ADGRB3: variants seen among roughly 807,000 people sequenced by gnomAD.
ADGRB3 encodes adhesion G protein-coupled receptor B3, also known as brain-specific angiogenesis inhibitor 3.
ADGRB3 carries 37 observed loss-of-function variants against 193.4 expected under a neutral mutation model. The observed-to-expected ratio is 0.19, with a 90% CI of 0.15 to 0.25. The LOEUF is 0.25. ADGRB3 is among the 10% of genes least tolerant of loss of function. The probability of loss-of-function intolerance (pLI) is 1.00; values close to 1 mark genes in which losing one functional copy is unlikely to be tolerated. For synonymous variants in ADGRB3, 690 were observed against 644.2 expected, an observed-to-expected ratio of 1.07 and a Z score of -1.08; for missense variants, 1,637 against 1,852.9, an observed-to-expected ratio of 0.88 and a Z score of 2.14.
chr6:69,107,872 A>G (rs1206587899), intron 17 of ADGRB3, among the ~76,000 whole-genome samples: 1 of 152,060 alleles, frequency 6.6e-6, no homozygotes, highest in African/African-American at 2.4e-5. Flanking sequence ...TGGCAACAGT[A>G]GACACTTGAG....
intron 3 of ADGRB3, among the ~76,000 whole-genome samples, chr6:68,805,589 G>T (rs1272671128): frequency 6.6e-6 from 1 of 152,144 alleles, no homozygotes; most frequent in Non-Finnish European, 1.5e-5. Flanking sequence ...TGAGACCAGA[G>T]ATGAAAGATC....
chr6:68,880,974 G>A (rs899578863), intron 3 of ADGRB3, among the ~76,000 whole-genome samples: 1 of 152,108 alleles, frequency 6.6e-6, no homozygotes, highest in African/African-American at 2.4e-5. Context: ...AAAAGTCGGT[G>A]AGAAAAATTT....
chr6:69,030,976 C>CTT (rs869292885), intron 13 of ADGRB3, among the ~76,000 whole-genome samples: 1,226 of 74,810 alleles, frequency 0.016, 124 homozygotes, highest in Middle Eastern at 0.028. Flanking sequence ...CTTTTCTTTT[C>CTT]TTTTCTTTTC....
At chr6:68,857,453 G>A (rs1479044793) in intron 3 of ADGRB3, among the ~76,000 whole-genome samples, 1 of 152,222 alleles carries the variant, frequency 6.6e-6, no homozygotes, top group Non-Finnish European at 1.5e-5. Context: ...GTAAGACATG[G>A]AGTCAAAGGT....
chr6:69,355,943 G>A (rs1769329079), intron 28 of ADGRB3, 83 bp downstream of exon 28: 1 of 1,187,012 alleles, frequency 8.4e-7, no homozygotes, highest in Non-Finnish European at 1.2e-6. Context: ...AAAATGCTGT[G>A]GTTTACACAT....
chr6:69,294,179 AT>A (rs71803817), intron 20 of ADGRB3, among the ~76,000 whole-genome samples: 26,300 of 150,000 alleles, frequency 0.18, 2,844 homozygotes, highest in Middle Eastern at 0.25. Context: ...AGCTTGTTTA[AT>A]TTTTTTTTTA....
At chr6:68,751,837 A>G (rs1766205529) in intron 3 of ADGRB3, among the ~76,000 whole-genome samples, 1 of 152,162 alleles carries the variant, frequency 6.6e-6, no homozygotes, top group African/African-American at 2.4e-5. Flanking sequence ...ATATGTGGTT[A>G]TTTATTGAGC....
intron 3 of ADGRB3, among the ~76,000 whole-genome samples, chr6:68,829,392 G>A (rs965943229): frequency 2.0e-5 from 3 of 151,866 alleles, no homozygotes; most frequent in Non-Finnish European, 2.9e-5. Flanking sequence ...ATGAGCCACC[G>A]CACCCAGGCA....
At chr6:69,100,445 G>T (rs1200524552) in intron 17 of ADGRB3, among the ~76,000 whole-genome samples, 1 of 152,132 alleles carries the variant, frequency 6.6e-6, no homozygotes, top group Non-Finnish European at 1.5e-5. Context: ...TTATAAGAGA[G>T]ACAGAGATAA....
intron 17 of ADGRB3, among the ~76,000 whole-genome samples, chr6:69,088,393 G>A (rs9351744): frequency 0.033 from 4,945 of 152,152 alleles, 133 homozygotes; most frequent in East Asian, 0.096. Flanking sequence ...TTTGTTTTGA[G>A]ATGGAGTCTC....
intron 3 of ADGRB3, among the ~76,000 whole-genome samples, chr6:68,900,261 A>G (rs932711396): frequency 1.2e-4 from 18 of 152,174 alleles, no homozygotes; most frequent in African/African-American, 4.1e-4. Context: ...ATGACCATTT[A>G]TTTTGATCTG....
intron 20 of ADGRB3, among the ~76,000 whole-genome samples, chr6:69,316,305 A>T (rs1357709962): frequency 6.6e-6 from 1 of 151,514 alleles, no homozygotes; most frequent in Non-Finnish European, 1.5e-5. Flanking sequence ...AAGTGAAATT[A>T]AAGAGTAATG....
intron 10 of ADGRB3, among the ~76,000 whole-genome samples, chr6:68,988,488 A>G (rs3798991): frequency 0.57 from 86,833 of 151,800 alleles, 25,213 homozygotes; most frequent in East Asian, 0.69. Context: ...TCGTAATAGA[A>G]CAGTGGGGTG....
chr6:69,249,523 A>G (rs1160480880), intron 20 of ADGRB3, among the ~76,000 whole-genome samples: 2 of 152,232 alleles, frequency 1.3e-5, no homozygotes, highest in Non-Finnish European at 2.9e-5. Flanking sequence ...AGCCCTTATT[A>G]GAGAAACTCT....
chr6:68,839,014 G>A (rs1170667625), intron 3 of ADGRB3, among the ~76,000 whole-genome samples: 1 of 151,544 alleles, frequency 6.6e-6, no homozygotes, highest in East Asian at 1.9e-4. Flanking sequence ...GACCTGAGAG[G>A]AACACATTTG....
chr6:68,957,658 C>G (rs1768111785), intron 8 of ADGRB3, among the ~76,000 whole-genome samples: 1 of 152,108 alleles, frequency 6.6e-6, no homozygotes, highest in African/African-American at 2.4e-5. Flanking sequence ...ACAGTGAGTA[C>G]AGCTGGTTGT....
intron 13 of ADGRB3, among the ~76,000 whole-genome samples, chr6:69,031,519 C>CTTTCTTTCTT (rs1554248703): frequency 4.7e-5 from 1 of 21,270 alleles, no homozygotes; most frequent in South Asian, 2.6e-3. Context: ...TTTGAGTTGT[C>CTTTCTTTCTT]TCTTTCTTTC....
intron 20 of ADGRB3, among the ~76,000 whole-genome samples, chr6:69,266,962 C>T (rs1767057587): frequency 6.6e-6 from 1 of 151,994 alleles, no homozygotes; most frequent in African/African-American, 2.4e-5. Context: ...CCGCAGTGTC[C>T]TTGCAGAAGT....
chr6:69,246,663 A>G (rs535499839), intron 20 of ADGRB3, among the ~76,000 whole-genome samples: 1 of 152,312 alleles, frequency 6.6e-6, no homozygotes, highest in African/African-American at 2.4e-5. Flanking sequence ...GCAAAGATCA[A>G]TATGAAGGAT....
Sources: gnomAD v4.1 joint callset for allele counts (sites outside exome capture counted in the v4.1 genomes callset) on GRCh38, gnomAD v4.1.1 for gene constraint, MANE v1.5 for transcripts, NCBI Gene and HGNC (gene_info 2026-07-23, HGNC 2026-07-21) for gene names.